The following KLF8 variants were observed in gnomAD, a reference collection of about 807,000 sequenced individuals.
KLF8 encodes Krueppel-like factor 8.
Under a neutral mutation model 18.2 loss-of-function variants are expected in KLF8, and 10 were observed. The observed-to-expected ratio is 0.55, with a 90% CI of 0.34 to 0.93. The LOEUF is 0.93. Among genes scored for constraint, KLF8 ranks in the 40% least tolerant of loss-of-function variants. The pLI, the probability that KLF8 is intolerant of heterozygous loss-of-function variation, is 0.02. For synonymous variants in KLF8, 109 were observed against 97.3 expected (o/e 1.12, Z -0.71); for missense variants, 264 against 277.9 (o/e 0.95, Z 0.36).
the KLF8 span, among the ~76,000 whole-genome samples, chrX:56,223,189 C>A: frequency 2.7e-5 from 3 of 113,067 alleles, 1 homozygote; most frequent in African/African-American, 9.6e-5. Context: ...GTGATCTTGG[C>A]AAACTCACTT....
chrX:55,994,101 A>G, the KLF8 span, among the ~76,000 whole-genome samples: 2 of 109,475 alleles, frequency 1.8e-5, no homozygotes, highest in Admixed American at 9.8e-5. Flanking sequence ...TAGTAGAGAC[A>G]GGGTTTCACC....
chrX:56,259,854 C>T (rs775398571), intron 2 of KLF8, among the ~76,000 whole-genome samples: 1 of 111,306 alleles, frequency 9.0e-6, no homozygotes, highest in African/African-American at 3.3e-5. Flanking sequence ...GGAGAATTCT[C>T]GGTTTGATGT....
At chrX:56,031,058 A>G in the KLF8 span, among the ~76,000 whole-genome samples, 2 of 110,911 alleles carry the variant, frequency 1.8e-5, no homozygotes, top group Non-Finnish European at 3.8e-5. Flanking sequence ...ATTCTGGCCA[A>G]TCTATTTCAC....
chrX:55,991,478 C>T, the KLF8 span, among the ~76,000 whole-genome samples: 32 of 111,727 alleles, frequency 2.9e-4, no homozygotes, highest in Admixed American at 9.5e-4. Context: ...CGGCCTGCCT[C>T]GGCTCCCACT....
chrX:56,038,397 C>T, the KLF8 span, among the ~76,000 whole-genome samples: 344 of 111,389 alleles, frequency 3.1e-3, 3 homozygotes, highest in African/African-American at 0.01. Flanking sequence ...CTGACAGGCC[C>T]CAGTGTGTTG....
the KLF8 span, among the ~76,000 whole-genome samples, chrX:56,006,700 T>C: frequency 8.9e-6 from 1 of 112,756 alleles, no homozygotes; most frequent in African/African-American, 3.2e-5. Context: ...GTATTTTTGC[T>C]CTTGAGTTTT....
At chrX:56,259,670 T>C (rs895349085) in intron 2 of KLF8, among the ~76,000 whole-genome samples, 7 of 111,355 alleles carry the variant, frequency 6.3e-5, no homozygotes, top group African/African-American at 2.3e-4. Context: ...TCAACTGCTT[T>C]ATGTAAATAT....
chrX:56,048,900 G>A, the KLF8 span, among the ~76,000 whole-genome samples: 1 of 111,667 alleles, frequency 9.0e-6, no homozygotes, highest in African/African-American at 3.3e-5. Context: ...CTACCCATAA[G>A]CATGGAATGT....
the KLF8 span, among the ~76,000 whole-genome samples, chrX:56,146,135 A>G: frequency 1.1e-3 from 120 of 112,187 alleles, no homozygotes; most frequent in African/African-American, 3.8e-3. Flanking sequence ...TAGCTCAATC[A>G]TTTTGGAAGA....
the KLF8 span, among the ~76,000 whole-genome samples, chrX:55,997,228 T>C: frequency 8.9e-6 from 1 of 111,776 alleles, no homozygotes; most frequent in Non-Finnish European, 1.9e-5. Context: ...TATGTCCAGG[T>C]CCAACAGTTA....
chrX:56,207,860 G>C, the KLF8 span, among the ~76,000 whole-genome samples: 7 of 110,502 alleles, frequency 6.3e-5, no homozygotes, highest in African/African-American at 2.3e-4. Context: ...TGCTTACAAA[G>C]ACATACCCAA....
the KLF8 span, among the ~76,000 whole-genome samples, chrX:56,156,705 T>G: frequency 3.7e-5 from 4 of 108,423 alleles, no homozygotes; most frequent in African/African-American, 1.3e-4. Flanking sequence ...GTATATCTCC[T>G]AATGCTATCC....
chrX:56,269,383 G>A lies in KLF8; in HGVS notation c.652G>A (p.Val218Ile), dbSNP rs1018147187. ...GDGKNAGSVK[V>I]DPTSMSPLEI... The stretch of plus-strand genomic sequence containing the variant: ...CTCCCTTTCTTTGCTTTTAGTGAAA[G>A]TTGACCCCACCTCCATGTCTCCACT... The change falls in exon 4 of 6, where the codon GTT becomes ATT. Residue 218 changes from valine to isoleucine, a missense_variant. By Grantham distance (29) the Val-to-Ile change is conservative (BLOSUM62 3). Around this residue, in one of 2 missense-constraint regions of KLF8, gnomAD observed 221 missense variants for 193.6 expected, o/e 1.14. Transcript: ENST00000468660. 6.6e-6 allele frequency: 8 copies of A among 1,203,531 alleles called. No homozygotes were observed. Among genetic ancestry groups the A allele is most frequent in the Middle Eastern group, 2.3e-4 (1 of 4,348 alleles).
the KLF8 span, among the ~76,000 whole-genome samples, chrX:56,193,838 G>A: frequency 9.0e-6 from 1 of 111,484 alleles, no homozygotes. Flanking sequence ...TCAGTGGTGT[G>A]GGGAAGTGGG....
intron 1 of KLF8, among the ~76,000 whole-genome samples, chrX:56,246,135 C>G (rs2066620052): frequency 9.0e-6 from 1 of 111,306 alleles, no homozygotes; most frequent in South Asian, 3.8e-4. Context: ...AGCTCTCCCT[C>G]TTATACTATT....
At chrX:56,202,618 A>C in the KLF8 span, among the ~76,000 whole-genome samples, 2 of 86,297 alleles carry the variant, frequency 2.3e-5, no homozygotes, top group African/African-American at 4.6e-5. Flanking sequence ...CTATCCTTCT[A>C]CTCTCTGTGT....
chrX:56,087,222 G>A, the KLF8 span, among the ~76,000 whole-genome samples: 2 of 110,846 alleles, frequency 1.8e-5, no homozygotes, highest in Non-Finnish European at 3.8e-5. Context: ...TGCCAAATAT[G>A]TAGTATGCCT....
At chrX:56,051,857 A>G in the KLF8 span, among the ~76,000 whole-genome samples, 1 of 108,612 alleles carries the variant, frequency 9.2e-6, no homozygotes, top group Non-Finnish European at 1.9e-5. Context: ...AATACCCTGC[A>G]GAGTGTTTTC....
chrX:56,126,736 T>TTTTC, the KLF8 span, among the ~76,000 whole-genome samples: 223 of 99,395 alleles, frequency 2.2e-3, 1 homozygote, highest in African/African-American at 7.0e-3. Flanking sequence ...CTCTTTTTCT[T>TTTTC]TTTCTTTCTT....
Sources: allele counts gnomAD v4.1 joint callset (sites outside exome capture counted in the v4.1 genomes callset), GRCh38; gene constraint gnomAD v4.1.1; regional missense constraint gnomAD v4.1.1; transcripts MANE v1.5; gene names NCBI Gene and HGNC (gene_info 2026-07-23, HGNC 2026-07-21).